Variants in RELN observed in about 807,000 individuals in gnomAD.
The protein encoded by RELN is reelin.
A neutral mutation model predicts 427.6 loss-of-function variants in RELN; 108 were observed. That is an observed-to-expected ratio of 0.25 (90% CI 0.22 to 0.30). The LOEUF is 0.30. Among genes scored for constraint, RELN ranks in the 10% least tolerant of loss-of-function variants. The pLI is 1.00. For synonymous variants in RELN, 1,524 were observed against 1,513.4 expected, an observed-to-expected ratio of 1.01 and a Z score of -0.16; for missense variants, 3,715 against 4,302.8, an observed-to-expected ratio of 0.86 and a Z score of 3.82.
intron 8 of RELN, among the ~76,000 whole-genome samples, chr7:103,717,754 G>A (rs901773902): frequency 4.6e-5 from 7 of 151,770 alleles, no homozygotes; most frequent in Non-Finnish European, 8.8e-5. Flanking sequence ...GTTCCCCAAG[G>A]TCTTACTCAC....
At chr7:103,677,227 A>G (rs949797424) in intron 11 of RELN, among the ~76,000 whole-genome samples, 3 of 148,524 alleles carry the variant, frequency 2.0e-5, no homozygotes, top group Non-Finnish European at 3.0e-5. Context: ...ACACATGGAC[A>G]TAGGGAGGGG....
chr7:103,624,125 T>C (rs1009908498), intron 20 of RELN, among the ~76,000 whole-genome samples: 1 of 152,190 alleles, frequency 6.6e-6, no homozygotes, highest in African/African-American at 2.4e-5. Flanking sequence ...TAATCTGGGA[T>C]TTTTGCCTGG....
Position 103,652,584 on chromosome 7 carries a change from T to G in RELN, c.1730A>C (p.Asn577Thr), listed in dbSNP as rs1470268324. ...AGGCTGATGCGTTCCACATCCCAGA[T>G]TGATGGAAAACTGTATCATGTGAGA... ...TMSHMIQFSI[N>T]LGCGTHQPGN... Residue 577 changes from asparagine to threonine, a missense_variant, in exon 14 of 65, where the codon AAT (asparagine) becomes ACT (threonine). Transcript: ENST00000428762. The G allele has an allele frequency of 6.2e-7, 1 of 1,612,770 alleles. No homozygotes were observed. Among genetic ancestry groups the G allele is most frequent in the Non-Finnish European group, 8.5e-7 (1 of 1,179,216 alleles).
chr7:103,521,939 C>A, intron 48 of RELN, 83 bp downstream of exon 48: 3 of 1,379,002 alleles, frequency 2.2e-6, no homozygotes, highest in Non-Finnish European at 3.1e-6. Flanking sequence ...TCTTGATTTG[C>A]CCATTAAACT....
intron 8 of RELN, among the ~76,000 whole-genome samples, chr7:103,706,322 T>C (rs1224574992): frequency 6.6e-6 from 1 of 152,084 alleles, no homozygotes; most frequent in South Asian, 2.1e-4. Context: ...AGAGTGGAGT[T>C]AGAAATTTAA....
chr7:103,771,742 A>C (rs1791575264), intron 4 of RELN, among the ~76,000 whole-genome samples: 1 of 143,210 alleles, frequency 7.0e-6, no homozygotes, highest in Non-Finnish European at 1.5e-5. Context: ...AGGTCTCTCT[A>C]ACATATCCCC....
intron 57 of RELN, among the ~76,000 whole-genome samples, chr7:103,494,578 T>A (rs1197438024): frequency 7.4e-6 from 1 of 134,424 alleles, no homozygotes; most frequent in African/African-American, 2.8e-5. Context: ...AGATAGGGGG[T>A]CTTGCTATGT....
intron 1 of RELN, among the ~76,000 whole-genome samples, chr7:103,924,724 C>T (rs970738171): frequency 3.5e-4 from 53 of 152,086 alleles, no homozygotes; most frequent in African/African-American, 1.3e-3. Flanking sequence ...TATTTTCTGG[C>T]ACCACCAGTA....
rs372737498 is a variant in RELN, at chr7:103,659,586, C to T, written c.1441+1790G>A. Among the ~76,000 whole-genome samples, 716 of 152,194 alleles carry T rather than the reference C, an allele frequency of 4.7e-3. 5 individuals carry two copies. Among genetic ancestry groups the T allele is most frequent in the Middle Eastern group, 0.02 (6 of 294 alleles). ...CATGCCCATCCTTCAAGGGTGAGTT[C>T]AAATGCCATCTCCTTCATGAAGCTT... On this transcript the variant is annotated intron_variant, in intron 12 of 64. Coordinates refer to ENST00000428762, the MANE Select transcript of RELN (RefSeq NM_005045.4).
chr7:103,611,891 A>G, intron 20 of RELN, 88 bp from the exon 21 acceptor site: 1 of 1,029,576 alleles, frequency 9.7e-7, no homozygotes, highest in South Asian at 1.3e-5. Flanking sequence ...TATATACCAA[A>G]ATAATTTCAT....
At chr7:103,902,854 T>C (rs1795112749) in intron 2 of RELN, among the ~76,000 whole-genome samples, 1 of 152,192 alleles carries the variant, frequency 6.6e-6, no homozygotes, top group South Asian at 2.1e-4. Flanking sequence ...CAAGAACTAT[T>C]TTCTAGGACA....
rs61081987 is a variant in RELN, at chr7:103,926,892, C to CA, written c.227-9708_227-9707insT. On this transcript the variant is annotated intron_variant, in intron 1 of 64. Coordinates refer to ENST00000428762, the MANE Select transcript of RELN (RefSeq NM_005045.4). ...CAATCTCCTGACCTCGTGATCCACC[C>CA]CCTTGGCCTCCCAAAGTGCTGGGAT... 1.3e-4 allele frequency among the ~76,000 whole-genome samples: 20 copies of CA among 151,832 alleles called. No homozygotes were observed. The South Asian group carries it at 3.3e-3, about 25-fold the overall frequency.
intron 2 of RELN, among the ~76,000 whole-genome samples, chr7:103,908,799 C>G (rs73183748): frequency 0.11 from 16,637 of 152,042 alleles, 1,096 homozygotes; most frequent in South Asian, 0.18. Flanking sequence ...GAATAAAGAC[C>G]AAATGTAAGT....
intron 3 of RELN, among the ~76,000 whole-genome samples, chr7:103,797,162 C>T (rs1316980091): frequency 2.0e-5 from 3 of 152,038 alleles, no homozygotes; most frequent in South Asian, 2.1e-4. Context: ...CTTGGCTCAC[C>T]GCAACCTCTG....
intron 11 of RELN, among the ~76,000 whole-genome samples, chr7:103,670,764 T>C (rs1370763887): frequency 6.6e-6 from 1 of 152,072 alleles, no homozygotes; most frequent in Non-Finnish European, 1.5e-5. Flanking sequence ...ATGAAAATAT[T>C]AAGAATATGA....
At chr7:103,872,807 A>G (rs1342262400) in intron 2 of RELN, among the ~76,000 whole-genome samples, 1 of 149,218 alleles carries the variant, frequency 6.7e-6, no homozygotes, top group East Asian at 2.1e-4. Flanking sequence ...CATTTCTCTG[A>G]TGGCCAGTGA....
intron 2 of RELN, among the ~76,000 whole-genome samples, chr7:103,906,769 G>A (rs902141863): frequency 6.6e-6 from 1 of 152,136 alleles, no homozygotes; most frequent in Non-Finnish European, 1.5e-5. Flanking sequence ...TGATACAGTG[G>A]CCTATCTCTC....
In RELN at chr7:103,539,131, G is replaced by A; in HGVS notation, c.7127C>T (p.Ser2376Phe). 1 of 1,614,200 alleles carries A rather than the reference G, an allele frequency of 6.2e-7. No individual in the cohort carries two copies. ...VSTDVAVNEDSFLQIDFAASC... is the reference protein window; with the variant it reads ...VSTDVAVNEDFFLQIDFAASC... The stretch of plus-strand genomic sequence containing the variant: ...GGCAGCGAAGTCTATCTGTAGGAAG[G>A]AATCCTCATTCACGGCAACGTCTGT... Residue 2376 changes from serine (S) to phenylalanine (F), a missense_variant, in exon 45 of 65, where the codon TCC (serine) becomes TTC (phenylalanine). Physicochemically the swap from Ser to Phe is radical, Grantham distance 155. Around this residue, in one of 4 missense-constraint regions of RELN, gnomAD observed 1,310 missense variants for 1,643.0 expected, o/e 0.80. Transcript: ENST00000428762.
At chr7:103,543,286 A>G (rs917079800) in intron 42 of RELN, among the ~76,000 whole-genome samples, 24 of 152,234 alleles carry the variant, frequency 1.6e-4, no homozygotes, top group Non-Finnish European at 3.1e-4. Context: ...AGGCAGGGAC[A>G]ACAAAATATT....
Sources: allele counts gnomAD v4.1 joint callset (sites outside exome capture counted in the v4.1 genomes callset), GRCh38; gene constraint gnomAD v4.1.1; regional missense constraint gnomAD v4.1.1; transcripts MANE v1.5; gene names NCBI Gene and HGNC (gene_info 2026-07-23, HGNC 2026-07-21).